GALNT13: variants seen among roughly 807,000 people sequenced by gnomAD.
The protein encoded by GALNT13 is UDP-GalNAc:polypeptide N-acetylgalactosaminyltransferase 13.
A neutral mutation model predicts 64.2 loss-of-function variants in GALNT13; 28 were observed. The ratio of observed to expected loss-of-function variants is 0.44; its 90% CI spans 0.32 to 0.60. The LOEUF is 0.60. Among genes scored for constraint, GALNT13 ranks in the 20% least tolerant of loss-of-function variants. GALNT13 has a pLI of 0.05. For synonymous variants in GALNT13, 214 were observed against 224.6 expected (o/e 0.95, Z 0.42); for missense variants, 577 against 669.8 (o/e 0.86, Z 1.53).
chr2:153,545,570 T>C, the GALNT13 span, among the ~76,000 whole-genome samples: 1 of 152,136 alleles, frequency 6.6e-6, no homozygotes, highest in Non-Finnish European at 1.5e-5. Flanking sequence ...AGTAAGCAGG[T>C]CTAGGATGTA....
chr2:153,721,913 A>G, the GALNT13 span, among the ~76,000 whole-genome samples: 1 of 150,624 alleles, frequency 6.6e-6, no homozygotes, highest in Non-Finnish European at 1.5e-5. Flanking sequence ...CAGAAAGTCA[A>G]CAAGGATACC....
the GALNT13 span, among the ~76,000 whole-genome samples, chr2:153,415,156 G>A: frequency 2.0e-5 from 3 of 152,276 alleles, no homozygotes; most frequent in Admixed American, 6.5e-5. Flanking sequence ...CAGAAAGACT[G>A]CTGGCTTTTT....
chr2:153,235,019 A>G, the GALNT13 span, among the ~76,000 whole-genome samples: 2 of 152,248 alleles, frequency 1.3e-5, no homozygotes, highest in South Asian at 2.1e-4. Context: ...GTGATCTGTT[A>G]TCAGTGATCT....
chr2:153,846,762 C>T, the GALNT13 span, among the ~76,000 whole-genome samples: 44 of 151,962 alleles, frequency 2.9e-4, no homozygotes, highest in East Asian at 9.7e-4. Context: ...GAAATGAATA[C>T]GCAGATAGAG....
the GALNT13 span, among the ~76,000 whole-genome samples, chr2:153,577,329 G>C: frequency 6.6e-6 from 1 of 152,022 alleles, no homozygotes; most frequent in East Asian, 1.9e-4. Flanking sequence ...AAAACTAGGA[G>C]TGTCAGAGTA....
chr2:153,454,102 C>T, the GALNT13 span, among the ~76,000 whole-genome samples: 76 of 152,174 alleles, frequency 5.0e-4, 2 homozygotes, highest in African/African-American at 1.7e-3. Context: ...CAACAACTGA[C>T]ACTATTAGAG....
intron 11 of GALNT13, among the ~76,000 whole-genome samples, chr2:154,433,417 G>C (rs1312164942): frequency 1.3e-5 from 2 of 152,158 alleles, no homozygotes; most frequent in Non-Finnish European, 2.9e-5. Flanking sequence ...TGGCAGGCCA[G>C]AGAACAGGAA....
chr2:153,766,023 G>C, the GALNT13 span, among the ~76,000 whole-genome samples: 11 of 152,082 alleles, frequency 7.2e-5, no homozygotes, highest in African/African-American at 2.4e-4. Context: ...TCCAATCTCA[G>C]TTATGTCTTT....
chr2:153,283,415 A>T, the GALNT13 span, among the ~76,000 whole-genome samples: 18 of 152,268 alleles, frequency 1.2e-4, no homozygotes, highest in Non-Finnish European at 2.6e-4. Flanking sequence ...ATGCACAGAA[A>T]GGATGGGTCA....
At chr2:153,493,922 A>G in the GALNT13 span, among the ~76,000 whole-genome samples, 3 of 152,030 alleles carry the variant, frequency 2.0e-5, no homozygotes, top group African/African-American at 4.8e-5. Context: ...ATTTATTTAA[A>G]AATGAGGTAT....
chr2:154,233,405 A>G (rs980449929), intron 4 of GALNT13, among the ~76,000 whole-genome samples: 2 of 152,192 alleles, frequency 1.3e-5, no homozygotes, highest in Admixed American at 6.6e-5. Flanking sequence ...TAATAGTCCT[A>G]TGAAGCAGGC....
intron 7 of GALNT13, among the ~76,000 whole-genome samples, chr2:154,258,023 CT>C (rs879467682): frequency 2.0e-4 from 30 of 151,234 alleles, no homozygotes; most frequent in Admixed American, 8.6e-4. Context: ...ACATGCCCAT[CT>C]TTTTTTTTAA....
the GALNT13 span, chr2:153,446,744 C>A: frequency 6.6e-6 from 1 of 152,030 alleles, no homozygotes; most frequent in Non-Finnish European, 1.5e-5. Flanking sequence ...GGATTCGAAC[C>A]CAGTAATAGG....
Position 154,042,260 on chromosome 2 carries a change from C to T in GALNT13, c.142+97621C>T, listed in dbSNP as rs1445448724. On this transcript the variant is annotated intron_variant, in intron 3 of 12. Transcript: ENST00000392825. Reference sequence around the variant, plus strand: ...CATAAAACGGAAACGATGACATTACCCCAGTAATTATAGTTTTGTGTTTTT... The same window carrying T: ...CATAAAACGGAAACGATGACATTACTCCAGTAATTATAGTTTTGTGTTTTT... Among the ~76,000 whole-genome samples, 7 of 139,170 alleles carry T rather than the reference C, an allele frequency of 5.0e-5. No individual in the cohort carries two copies. In the Admixed American group the frequency reaches 5.1e-4, roughly 10 times the overall value. 91.3% of individuals were successfully genotyped at this position (139,170 alleles called of 152,430 possible).
At chr2:153,606,327 G>A in the GALNT13 span, among the ~76,000 whole-genome samples, 5 of 151,952 alleles carry the variant, frequency 3.3e-5, no homozygotes, top group Non-Finnish European at 7.4e-5. Flanking sequence ...GCCTATTTCT[G>A]GCTACTAGAA....
intron 9 of GALNT13, among the ~76,000 whole-genome samples, chr2:154,315,870 A>G (rs1694291813): frequency 6.6e-6 from 1 of 152,210 alleles, no homozygotes; most frequent in African/African-American, 2.4e-5. Context: ...AAACCGGATC[A>G]CAAGGTCAGG....
chr2:153,229,382 A>C, the GALNT13 span, among the ~76,000 whole-genome samples: 1 of 152,140 alleles, frequency 6.6e-6, no homozygotes, highest in Non-Finnish European at 1.5e-5. Context: ...ATATCAAAGG[A>C]TCTTATCCTT....
At chr2:153,294,055 T>C in the GALNT13 span, among the ~76,000 whole-genome samples, 1 of 152,102 alleles carries the variant, frequency 6.6e-6, no homozygotes, top group African/African-American at 2.4e-5. Flanking sequence ...CTTTTGGGCT[T>C]AAAGCAATTT....
rs138659784 is a variant in GALNT13, at chr2:153,989,705, A to G, written c.142+45066A>G. On this transcript the variant is annotated intron_variant, in intron 3 of 12. Transcript: ENST00000392825. ...AGCATTTGCCATATTTATGCACACTACAAAATACTACAGCAGTCAAATATG... is the reference window on the plus strand; with the variant it reads ...AGCATTTGCCATATTTATGCACACTGCAAAATACTACAGCAGTCAAATATG... Among the ~76,000 whole-genome samples, 510 of 152,190 alleles carry G rather than the reference A, an allele frequency of 3.4e-3. 5 individuals are homozygous for G. The highest frequency in any genetic ancestry group is 0.012 in the African/African-American group (480 of 41,558).
Sources: allele counts gnomAD v4.1 joint callset (sites outside exome capture counted in the v4.1 genomes callset), GRCh38; gene constraint gnomAD v4.1.1; transcripts MANE v1.5; gene names NCBI Gene and HGNC (gene_info 2026-07-23, HGNC 2026-07-21).